SCN11A: variants seen among roughly 807,000 people sequenced by gnomAD.
The protein encoded by SCN11A is sodium channel protein type 11 subunit alpha.
A neutral mutation model predicts 162.2 loss-of-function variants in SCN11A; 122 were observed. That is an observed-to-expected ratio of 0.75 (90% CI 0.65 to 0.87). The LOEUF is 0.87. Among genes scored for constraint, SCN11A ranks in the 40% least tolerant of loss-of-function variants. The probability of loss-of-function intolerance (pLI) is 0.00; values close to 1 mark genes in which losing one functional copy is unlikely to be tolerated. For synonymous variants in SCN11A, 758 were observed against 751.5 expected (o/e 1.01, Z -0.14); for missense variants, 2,015 against 2,181.6 (o/e 0.92, Z 1.52).
At chr3:38,993,711 C>T (rs967842782) in intron 2 of SCN11A, among the ~76,000 whole-genome samples, 6 of 152,206 alleles carry the variant, frequency 3.9e-5, no homozygotes, top group Admixed American at 2.6e-4. Flanking sequence ...CTGTGTGCAA[C>T]GGTATCAGCT....
Position 38,847,094 on chromosome 3 carries a change from A to G in SCN11A, c.4976T>C (p.Val1659Ala). The change falls in exon 30 of 30, where the codon GTC becomes GCC. Residue 1659 changes from valine (V) to alanine (A), a missense_variant. Coordinates refer to ENST00000302328, the MANE Select transcript of SCN11A (RefSeq NM_001349253.2). ...FADALPEPLRVAKPNKYQFLV... is the reference protein window; with the variant it reads ...FADALPEPLRAAKPNKYQFLV... The stretch of plus-strand genomic sequence containing the variant: ...AAATTGATATTTATTTGGCTTTGCG[A>G]CACGCAAAGGCTCAGGCAAGGCATC... The G allele has an allele frequency of 1.9e-6, 3 of 1,614,208 alleles. No individual in the cohort carries two copies. Among genetic ancestry groups the G allele is most frequent in the Non-Finnish European group, 2.5e-6 (3 of 1,180,048 alleles).
chr3:38,853,228 T>C (rs1216304676), intron 28 of SCN11A, among the ~76,000 whole-genome samples: 1 of 152,202 alleles, frequency 6.6e-6, no homozygotes, highest in African/African-American at 2.4e-5. Flanking sequence ...GTGACTCTTT[T>C]AGTTAATGCC....
At chr3:38,980,876 A>G (rs1451971916) in intron 2 of SCN11A, among the ~76,000 whole-genome samples, 1 of 152,224 alleles carries the variant, frequency 6.6e-6, no homozygotes, top group South Asian at 2.1e-4. Context: ...TGGGGGTGGA[A>G]GCTGAGCCAA....
intron 23 of SCN11A, among the ~76,000 whole-genome samples, chr3:38,879,194 C>T (rs1038601319): frequency 6.6e-6 from 1 of 152,182 alleles, no homozygotes. Flanking sequence ...CTATGACTTA[C>T]TTTCTTTCTC....
intron 1 of SCN11A, among the ~76,000 whole-genome samples, chr3:39,049,582 G>C (rs886284316): frequency 6.6e-6 from 1 of 152,190 alleles, no homozygotes; most frequent in Non-Finnish European, 1.5e-5. Context: ...CAGAGCATGG[G>C]GTATTGGTCA....
intron 8 of SCN11A, 65 bp from the exon 9 acceptor site, chr3:38,925,574 A>C (rs1334211049): frequency 4.2e-5 from 47 of 1,112,298 alleles, no homozygotes; most frequent in Middle Eastern, 3.9e-4. Context: ...GCACATCTCC[A>C]CAAAAGCCAC....
chr3:38,914,354 G>A (rs963283490), intron 11 of SCN11A, among the ~76,000 whole-genome samples: 4 of 152,132 alleles, frequency 2.6e-5, no homozygotes, highest in African/African-American at 9.7e-5. Context: ...TTGAAACTTT[G>A]CTGAAGTTGT....
chr3:38,931,349 A>T (rs2066237733), intron 7 of SCN11A, among the ~76,000 whole-genome samples: 1 of 152,200 alleles, frequency 6.6e-6, no homozygotes, highest in Non-Finnish European at 1.5e-5. Context: ...CATATAGACC[A>T]AACCAGACCT....
chr3:39,040,101 C>T (rs2032008306), intron 1 of SCN11A, among the ~76,000 whole-genome samples: 1 of 152,196 alleles, frequency 6.6e-6, no homozygotes, highest in African/African-American at 2.4e-5. Flanking sequence ...GCTGTTGTTC[C>T]AGGCAAGCAC....
chr3:39,018,154 T>C (rs2031345989), intron 2 of SCN11A, among the ~76,000 whole-genome samples: 1 of 152,244 alleles, frequency 6.6e-6, no homozygotes, highest in Non-Finnish European at 1.5e-5. Flanking sequence ...TATTCCTGGC[T>C]TTTTGTGAAC....
chr3:38,896,147 CT>C (rs550785072), intron 18 of SCN11A, among the ~76,000 whole-genome samples: 128 of 152,316 alleles, frequency 8.4e-4, no homozygotes, highest in South Asian at 8.3e-3. Flanking sequence ...TTTGTTCTCT[CT>C]TTTCACTCTA....
chr3:38,886,803 T>C (rs913486248), intron 19 of SCN11A, among the ~76,000 whole-genome samples: 7 of 152,144 alleles, frequency 4.6e-5, no homozygotes, highest in African/African-American at 1.7e-4. Flanking sequence ...TATCACTACA[T>C]AAAACTGAAA....
chr3:39,013,003 G>A (rs754527907), intron 2 of SCN11A, among the ~76,000 whole-genome samples: 1 of 152,028 alleles, frequency 6.6e-6, no homozygotes, highest in Non-Finnish European at 1.5e-5. Flanking sequence ...ACTGAGGATG[G>A]CTAAAAATGT....
At chr3:38,913,036 G>GTT (rs1028785080) in intron 11 of SCN11A, among the ~76,000 whole-genome samples, 90 of 152,232 alleles carry the variant, frequency 5.9e-4, no homozygotes, top group Admixed American at 3.4e-3. Flanking sequence ...CAGTAGTTCT[G>GTT]TTTTAGGTCT....
intron 23 of SCN11A, among the ~76,000 whole-genome samples, chr3:38,876,887 A>C (rs2065216211): frequency 6.6e-6 from 1 of 151,862 alleles, no homozygotes; most frequent in South Asian, 2.1e-4. Context: ...TTATATGAAA[A>C]AGACACTTGC....
chr3:38,882,013 A>G lies in SCN11A; in HGVS notation c.3219+1220T>C, dbSNP rs188469325. Among the ~76,000 whole-genome samples the G allele has an allele frequency of 2.2e-3, 336 of 152,310 alleles. 3 individuals are homozygous for G. Among genetic ancestry groups the G allele is most frequent in the African/African-American group, 7.4e-3 (309 of 41,578 alleles). ...GTGGAATAAATACAAGAAACCCTAC[A>G]CTTGAGTAACAGTAGACAGCCAGTG... On this transcript the variant is annotated intron_variant, in intron 22 of 29. Transcript: ENST00000302328.
At chr3:38,993,985 C>T (rs1457683455) in intron 2 of SCN11A, among the ~76,000 whole-genome samples, 2 of 152,238 alleles carry the variant, frequency 1.3e-5, no homozygotes, top group East Asian at 3.8e-4. Flanking sequence ...CAGTGCGGTG[C>T]AGCCCTAGCT....
rs940551432 is a variant in SCN11A, at chr3:38,849,257, C to A, written c.4327+1224G>T. The A allele has an allele frequency of 5.7e-5, 4 of 69,866 alleles. No homozygotes were observed. In the Admixed American group the frequency reaches 7.2e-4, roughly 13 times the overall value. 4.3% of individuals were successfully genotyped at this position (69,866 alleles called of 1,614,324 possible). On this transcript the variant is annotated intron_variant, in intron 29 of 29. Transcript: ENST00000302328. ...GACATCTGACCACCATTTTCTAGCC[C>A]TTTTTTTTTTTTTTTTTTTTTTTTT...
intron 1 of SCN11A, among the ~76,000 whole-genome samples, chr3:39,036,565 G>A (rs2031909746): frequency 6.6e-6 from 1 of 152,156 alleles, no homozygotes; most frequent in East Asian, 1.9e-4. Flanking sequence ...AGTGAAGAGA[G>A]AATACATAGA....
Sources: allele counts gnomAD v4.1 joint callset (sites outside exome capture counted in the v4.1 genomes callset), GRCh38; gene constraint gnomAD v4.1.1; transcripts MANE v1.5; gene names NCBI Gene and HGNC (gene_info 2026-07-23, HGNC 2026-07-21).